ACTR3B: variants seen among roughly 807,000 people sequenced by gnomAD.
The protein encoded by ACTR3B is actin-related protein 3B.
A neutral mutation model predicts 59.0 loss-of-function variants in ACTR3B; 8 were observed. That is an observed-to-expected ratio of 0.14 (90% CI 0.08 to 0.24). The LOEUF is 0.24. Ranked by LOEUF, ACTR3B falls within the 10% of genes least tolerant of loss-of-function variation. The pLI, the probability that ACTR3B is intolerant of heterozygous loss-of-function variation, is 1.00. For synonymous variants in ACTR3B, 148 were observed against 197.9 expected, an observed-to-expected ratio of 0.75 and a Z score of 2.12; for missense variants, 245 against 552.3, an observed-to-expected ratio of 0.44 and a Z score of 5.58.
intron 9 of ACTR3B, among the ~76,000 whole-genome samples, chr7:152,840,698 T>G (rs943810868): frequency 3.8e-5 from 4 of 104,862 alleles, no homozygotes; most frequent in Non-Finnish European, 6.0e-5. Flanking sequence ...TATGTTCCTT[T>G]TAGACTGTAT....
rs1175599470 is a variant in ACTR3B, at chr7:152,854,685, C to CA, written c.*133dup. ...CAGCAGCGTGCTTGCATTGCCGGTG[C>CA]ATGAGGCGCGGCGCGGGCCCTTCAG... On this transcript the variant is annotated 3_prime_UTR_variant, in exon 12 of 12. Transcript: ENST00000256001. This position sits in a 1 kb window ranked among gnomAD's most constrained non-coding sequence, Gnocchi z 4.9. The CA allele has an allele frequency of 1.1e-6, 1 of 921,254 alleles. No homozygotes were observed. Among genetic ancestry groups the CA allele is most frequent in the African/African-American group, 1.6e-5 (1 of 61,202 alleles). 57.1% of individuals were successfully genotyped at this position (921,254 alleles called of 1,614,324 possible).
intron 4 of ACTR3B, among the ~76,000 whole-genome samples, chr7:152,805,409 G>A (rs532951548): frequency 1.3e-5 from 2 of 152,296 alleles, no homozygotes; most frequent in East Asian, 1.9e-4. Flanking sequence ...AGGTGTTGAT[G>A]TAGGAGTCAG....
rs970326034 is a variant in ACTR3B, at chr7:152,759,820, G to C, written c.-63G>C. The C allele has an allele frequency of 1.7e-6, 2 of 1,167,980 alleles. No homozygotes were observed. Among genetic ancestry groups the C allele is most frequent in the African/African-American group, 3.2e-5 (2 of 62,068 alleles). The allele number at this position is 1,167,980 out of a possible 1,614,324, so 72.4% of individuals were successfully genotyped here. On this transcript the variant is annotated 5_prime_UTR_variant, in exon 1 of 12. Transcript: ENST00000256001. ...GCTGCGCGCGGGGCTAGCGGGCGGC[G>C]GAGCGGACGGCGACGGGGCGCTCTC...
rs1444081536 is a variant in ACTR3B, at chr7:152,785,565, A to T, written c.100+2323A>T. ...AGGGGCCCCAGGAGTCAAGGTTAGA[A>T]GATGTTCGGGCAGAAGTGAGGATAC... On this transcript the variant is annotated intron_variant, in intron 2 of 11. Coordinates refer to ENST00000256001, the MANE Select transcript of ACTR3B (RefSeq NM_020445.6). 4.2e-5 allele frequency among the ~76,000 whole-genome samples: 6 copies of T among 144,284 alleles called. No individual in the cohort carries two copies. The East Asian group carries it at 1.1e-3, about 25-fold the overall frequency. The allele number at this position is 144,284 out of a possible 152,430, so 94.7% of individuals were successfully genotyped here. A position where few individuals can be genotyped will look rare whatever the true frequency, so the allele number is the denominator to read the frequency against.
intron 1 of ACTR3B, among the ~76,000 whole-genome samples, chr7:152,778,630 A>G (rs1449575463): frequency 6.6e-6 from 1 of 152,016 alleles, no homozygotes; most frequent in Non-Finnish European, 1.5e-5. Context: ...AGTGTTTTAA[A>G]TAATAAGACA....
Position 152,817,547 on chromosome 7 carries a change from T to G in ACTR3B, c.540+959T>G, listed in dbSNP as rs1054955193. Among the ~76,000 whole-genome samples, 5 of 152,274 alleles carry G rather than the reference T, an allele frequency of 3.3e-5. No individual in the cohort carries two copies. The East Asian group carries it at 5.8e-4, about 18-fold the overall frequency. ...AATGGACTATTTAAAGGAATTATCT[T>G]AAATTCATTTTTTTTGGAAAATGTA... is the stretch of plus-strand genomic sequence containing the variant. On this transcript the variant is annotated intron_variant, in intron 6 of 11. Transcript: ENST00000256001.
intron 6 of ACTR3B, among the ~76,000 whole-genome samples, chr7:152,819,213 C>T (rs549521224): frequency 2.6e-5 from 4 of 152,168 alleles, no homozygotes; most frequent in Admixed American, 1.3e-4. Context: ...CTAGAAGTTA[C>T]GTATATCAGA....
intron 1 of ACTR3B, among the ~76,000 whole-genome samples, chr7:152,782,404 G>T (rs1271259730): frequency 2.6e-5 from 4 of 151,766 alleles, no homozygotes; most frequent in Admixed American, 6.6e-5. Flanking sequence ...CTGAGTGGTG[G>T]TTTTTTTTCC....
chr7:152,765,603 T>A (rs2098107252), intron 1 of ACTR3B, among the ~76,000 whole-genome samples: 1 of 152,036 alleles, frequency 6.6e-6, no homozygotes, highest in Non-Finnish European at 1.5e-5. Flanking sequence ...TAAAAAAATC[T>A]TCACCTTAAT....
At chr7:152,831,580 G>C (rs566527617) in intron 9 of ACTR3B, among the ~76,000 whole-genome samples, 1 of 152,268 alleles carries the variant, frequency 6.6e-6, no homozygotes. Flanking sequence ...ATATGTGGCT[G>C]ATGGCCGTCC....
At chr7:152,792,718 AG>A (rs1590268996) in intron 2 of ACTR3B, among the ~76,000 whole-genome samples, 1 of 152,278 alleles carries the variant, frequency 6.6e-6, no homozygotes, top group East Asian at 1.9e-4. Context: ...ACTGCACTCC[AG>A]CCTGGGTGAC....
intron 9 of ACTR3B, among the ~76,000 whole-genome samples, chr7:152,851,365 G>T (rs978338154): frequency 6.6e-6 from 1 of 152,212 alleles, no homozygotes; most frequent in African/African-American, 2.4e-5. Context: ...AGTGACGTAG[G>T]TGAGGCCACT....
chr7:152,810,167 C>T (rs952295392), intron 4 of ACTR3B, among the ~76,000 whole-genome samples: 2 of 152,112 alleles, frequency 1.3e-5, no homozygotes, highest in Non-Finnish European at 2.9e-5. Flanking sequence ...AGTACAGTGG[C>T]ACCACCTCAG....
At chr7:152,797,154 G>T (rs1162501661) in intron 2 of ACTR3B, among the ~76,000 whole-genome samples, 2 of 152,038 alleles carry the variant, frequency 1.3e-5, no homozygotes, top group African/African-American at 2.4e-5. Context: ...GTGCAGTGGG[G>T]CTATCATAGC....
chr7:152,852,259 C>T lies in ACTR3B; in HGVS notation c.1077+8C>T, dbSNP rs1221813417. ...AGCGGCGGGAGGATCAAGGTAGGAGCCAGAGGCCTCCACGCAGTGCCTGGG... is the reference window on the plus strand; with the variant it reads ...AGCGGCGGGAGGATCAAGGTAGGAGTCAGAGGCCTCCACGCAGTGCCTGGG... On this transcript the variant is annotated splice_region_variant and intron_variant, in intron 10 of 11. Transcript: ENST00000256001. 2.5e-6 allele frequency: 4 copies of T among 1,608,908 alleles called. No individual in the cohort carries two copies. The highest frequency in any genetic ancestry group is 1.3e-5 in the African/African-American group (1 of 74,556).
At chr7:152,843,698 T>C (rs1306073555) in intron 9 of ACTR3B, among the ~76,000 whole-genome samples, 1 of 152,218 alleles carries the variant, frequency 6.6e-6, no homozygotes, top group Non-Finnish European at 1.5e-5. Flanking sequence ...TGCACTGGAC[T>C]CTGGACTGGA....
Position 152,852,222 on chromosome 7 carries a change from A to C in ACTR3B, c.1048A>C (p.Ser350Arg). 6.2e-7 allele frequency: 1 copy of C among 1,613,280 alleles called. No individual in the cohort carries two copies. Among genetic ancestry groups the C allele is most frequent in the African/African-American group, 1.3e-5 (1 of 74,996 alleles). Residue 350 changes from serine to arginine, a missense_variant, in exon 10 of 12, where the codon AGC becomes CGC. Physicochemically the swap from Ser to Arg is moderately radical, Grantham distance 110. Transcript: ENST00000256001. ...AGTGGTGGATGCTAGGCTGAGGCTCAGCGAGGAGCTCAGCGGCGGGAGGAT... is the reference window on the plus strand; with the variant it reads ...AGTGGTGGATGCTAGGCTGAGGCTCCGCGAGGAGCTCAGCGGCGGGAGGAT... ...KRVVDARLRL[S>R]EELSGGRIKP...
intron 4 of ACTR3B, among the ~76,000 whole-genome samples, chr7:152,803,835 T>G (rs1354185252): frequency 1.3e-5 from 2 of 152,248 alleles, no homozygotes; most frequent in Non-Finnish European, 2.9e-5. Context: ...ATTACATGTG[T>G]TGTGCTTTGA....
At chr7:152,823,846 G>C (rs1796374752) in intron 8 of ACTR3B, among the ~76,000 whole-genome samples, 2 of 152,138 alleles carry the variant, frequency 1.3e-5, no homozygotes, top group African/African-American at 4.8e-5. Context: ...AGGCCTATAT[G>C]GAGGTTGCCT....
Sources: allele counts gnomAD v4.1 joint callset (sites outside exome capture counted in the v4.1 genomes callset), GRCh38; gene constraint gnomAD v4.1.1; non-coding constraint Gnocchi (gnomAD v3.1); transcripts MANE v1.5; gene names NCBI Gene and HGNC (gene_info 2026-07-23, HGNC 2026-07-21).